The following CDH8 variants were observed in gnomAD, a reference collection of about 807,000 sequenced individuals.
CDH8 encodes cadherin 8.
CDH8 carries 17 observed loss-of-function variants against 68.1 expected under a neutral mutation model. The ratio of observed to expected loss-of-function variants is 0.25; its 90% CI spans 0.17 to 0.37. The LOEUF is 0.37. Among genes scored for constraint, CDH8 ranks in the 10% least tolerant of loss-of-function variants. The pLI is 1.00. For missense variants in CDH8, 763 were observed against 999.3 expected (o/e 0.76, Z 3.19); for synonymous variants, 372 against 365.1 (o/e 1.02, Z -0.21).
At chr16:61,913,429 G>A (rs1964190546) in intron 2 of CDH8, among the ~76,000 whole-genome samples, 1 of 152,132 alleles carries the variant, frequency 6.6e-6, no homozygotes, top group Non-Finnish European at 1.5e-5. Flanking sequence ...CTATGCCAGT[G>A]TTTATAAGTA....
intron 2 of CDH8, among the ~76,000 whole-genome samples, chr16:61,958,529 G>A (rs2143619566): frequency 6.6e-6 from 1 of 152,212 alleles, no homozygotes; most frequent in South Asian, 2.1e-4. Flanking sequence ...CTTTATCTAT[G>A]ATTCCACAGG....
At chr16:62,022,183 A>G (rs938585559) in intron 1 of CDH8, among the ~76,000 whole-genome samples, 4 of 152,140 alleles carry the variant, frequency 2.6e-5, no homozygotes, top group South Asian at 4.1e-4. Context: ...ATTTACCCCA[A>G]TTTTTACAAT....
intron 7 of CDH8, among the ~76,000 whole-genome samples, chr16:61,798,724 T>G (rs886582378): frequency 6.6e-6 from 1 of 152,150 alleles, no homozygotes; most frequent in Non-Finnish European, 1.5e-5. Flanking sequence ...AAACCAGGCA[T>G]AGTGATTATT....
intron 2 of CDH8, among the ~76,000 whole-genome samples, chr16:61,984,526 A>C (rs1965594400): frequency 1.3e-5 from 2 of 151,910 alleles, no homozygotes; most frequent in Non-Finnish European, 1.5e-5. Flanking sequence ...CTTGGGCTCA[A>C]GCAATTCTCC....
rs151176648 is a variant in CDH8 at position 61,739,095 on chromosome 16, A to T, written c.1415-11880T>A. On this transcript the variant is annotated intron_variant, in intron 8 of 11. Transcript: ENST00000577390. ...CAAAAATCTCTAATTCTACTCTGCC[A>T]ACTGAGTTGCATTATATGTCAATTA... Among the ~76,000 whole-genome samples, 3 of 152,264 alleles carry T rather than the reference A, an allele frequency of 2.0e-5. No homozygotes were observed. The East Asian group carries it at 5.8e-4, about 29-fold the overall frequency.
At chr16:61,676,954 G>A (rs1039511962) in intron 10 of CDH8, among the ~76,000 whole-genome samples, 1 of 151,960 alleles carries the variant, frequency 6.6e-6, no homozygotes, top group Admixed American at 6.6e-5. Context: ...TGACGTAAGT[G>A]TACACATTTG....
rs13336136 is a variant in CDH8 at position 61,942,087 on chromosome 16, C to T, written c.253-40614G>A. Reference sequence around the variant, plus strand: ...CCTGAAGTCCCAGTTTTATTATTTCCAATGCTACCCATTCTCTATATTATA... The same window carrying T: ...CCTGAAGTCCCAGTTTTATTATTTCTAATGCTACCCATTCTCTATATTATA... On this transcript the variant is annotated intron_variant, in intron 2 of 11. Transcript: ENST00000577390. Among the ~76,000 whole-genome samples, 1,416 of 152,234 alleles carry T rather than the reference C, an allele frequency of 9.3e-3. 34 individuals carry two copies. The highest frequency in any genetic ancestry group is 0.032 in the African/African-American group (1,332 of 41,528).
chr16:62,014,417 T>C (rs1409625246), intron 2 of CDH8, among the ~76,000 whole-genome samples: 1 of 152,128 alleles, frequency 6.6e-6, no homozygotes, highest in East Asian at 1.9e-4. Context: ...TGCCAAATTA[T>C]TGGTGCACAA....
At chr16:61,660,911 A>G (rs1963543660) in intron 10 of CDH8, among the ~76,000 whole-genome samples, 1 of 152,100 alleles carries the variant, frequency 6.6e-6, no homozygotes. Context: ...ATGTTTACTA[A>G]GAAATACTAA....
Position 61,869,766 on chromosome 16 carries a change from G to A in CDH8, c.548-12528C>T, listed in dbSNP as rs560317168. Among the ~76,000 whole-genome samples, 21 of 152,200 alleles carry A rather than the reference G, an allele frequency of 1.4e-4. No homozygotes were observed. In the South Asian group the frequency reaches 3.7e-3, roughly 27 times the overall value. On this transcript the variant is annotated intron_variant, in intron 3 of 11. Transcript: ENST00000577390. ...GCAAAAATTAGCAGATTTGAAAGAC[G>A]CACAAGAATAATTTGAGGAAACATC...
intron 3 of CDH8, among the ~76,000 whole-genome samples, chr16:61,893,651 C>T (rs1510159): frequency 0.26 from 39,054 of 151,876 alleles, 6,597 homozygotes; most frequent in African/African-American, 0.49. Flanking sequence ...TCAAACAGCG[C>T]GTTGGGCCAA....
chr16:61,794,015 T>A (rs1385748350), intron 7 of CDH8, among the ~76,000 whole-genome samples: 2 of 152,046 alleles, frequency 1.3e-5, no homozygotes, highest in Non-Finnish European at 2.9e-5. Flanking sequence ...TTTGAACATA[T>A]CTTAGACACC....
intron 4 of CDH8, among the ~76,000 whole-genome samples, chr16:61,856,125 A>G (rs1963042243): frequency 6.6e-6 from 1 of 152,178 alleles, no homozygotes; most frequent in African/African-American, 2.4e-5. Flanking sequence ...TTAGTTAATA[A>G]CTGAATTAAT....
chr16:61,659,632 C>T (rs114269060), intron 10 of CDH8, among the ~76,000 whole-genome samples: 1 of 152,212 alleles, frequency 6.6e-6, no homozygotes, highest in African/African-American at 2.4e-5. Flanking sequence ...GCCCACCGTA[C>T]ACTGGGAGAG....
At chr16:61,692,025 A>C (rs1964235000) in intron 10 of CDH8, 1 of 152,168 alleles carries the variant, frequency 6.6e-6, no homozygotes, top group Non-Finnish European at 1.5e-5. Flanking sequence ...AGGGTTGGGT[A>C]CCCATATAAT....
chr16:61,933,522 A>G (rs1964578407), intron 2 of CDH8, among the ~76,000 whole-genome samples: 1 of 152,182 alleles, frequency 6.6e-6, no homozygotes, highest in Admixed American at 6.5e-5. Flanking sequence ...CTTAGAAAAG[A>G]TTTTTTAAAT....
chr16:61,908,886 A>G (rs1964109088), intron 2 of CDH8, among the ~76,000 whole-genome samples: 1 of 152,208 alleles, frequency 6.6e-6, no homozygotes, highest in African/African-American at 2.4e-5. Context: ...TTTAGTTAAA[A>G]TTAAGTTTGG....
intron 5 of CDH8, among the ~76,000 whole-genome samples, chr16:61,823,083 T>C (rs1392662658): frequency 2.6e-5 from 4 of 151,902 alleles, no homozygotes; most frequent in African/African-American, 4.8e-5. Flanking sequence ...GTAGAAGAAA[T>C]GGTGTTCTCC....
intron 2 of CDH8, among the ~76,000 whole-genome samples, chr16:61,905,517 A>G (rs985936652): frequency 1.8e-4 from 28 of 152,162 alleles, no homozygotes; most frequent in African/African-American, 6.5e-4. Context: ...TTATAATGTT[A>G]TATTCACAGC....
Sources: allele counts gnomAD v4.1 joint callset (sites outside exome capture counted in the v4.1 genomes callset), GRCh38; gene constraint gnomAD v4.1.1; transcripts MANE v1.5; gene names NCBI Gene and HGNC (gene_info 2026-07-23, HGNC 2026-07-21).